BAAT: variants seen among roughly 807,000 people sequenced by gnomAD.
The protein encoded by BAAT is bile acid CoA: amino acid N-acyltransferase (glycine N-choloyltransferase).
BAAT carries 13 observed loss-of-function variants against 18.9 expected under a neutral mutation model. The ratio of observed to expected loss-of-function variants is 0.69; its 90% CI spans 0.45 to 1.10. BAAT has a LOEUF of 1.10. Ranked by LOEUF, BAAT falls within the 50% of genes least tolerant of loss-of-function variation. The probability of loss-of-function intolerance (pLI) is 0.00; values close to 1 mark genes in which losing one functional copy is unlikely to be tolerated. For missense variants in BAAT, 489 were observed against 504.0 expected, an observed-to-expected ratio of 0.97 and a Z score of 0.28; for synonymous variants, 170 against 190.7, an observed-to-expected ratio of 0.89 and a Z score of 0.89.
intron 1 of BAAT, among the ~76,000 whole-genome samples, chr9:101,371,741 T>C (rs926309214): frequency 2.0e-5 from 3 of 152,190 alleles, no homozygotes; most frequent in Admixed American, 2.0e-4. Flanking sequence ...TCTAGGAAGA[T>C]AACACAATCT....
At chr9:101,366,929 T>G (rs1180795210) in intron 3 of BAAT, among the ~76,000 whole-genome samples, 1 of 151,462 alleles carries the variant, frequency 6.6e-6, no homozygotes, top group Non-Finnish European at 1.5e-5. Context: ...TTTCCCAATA[T>G]GGCAAAACCC....
intron 1 of BAAT, among the ~76,000 whole-genome samples, chr9:101,376,985 T>C (rs1445880121): frequency 1.3e-5 from 2 of 152,204 alleles, no homozygotes; most frequent in African/African-American, 2.4e-5. Flanking sequence ...GATTTATTTA[T>C]ATTCCTTTGG....
Position 101,367,728 on chromosome 9 carries a change from C to T in BAAT, c.669+392G>A, listed in dbSNP as rs1407605043. On this transcript the variant is annotated intron_variant, in intron 3 of 3. Transcript: ENST00000259407. The stretch of plus-strand genomic sequence containing the variant: ...CTTGAACTGTCGGCCTCTATTAATC[C>T]TCCCATCTTGGCCTCCCAGAGTGCT... Among the ~76,000 whole-genome samples, 13 of 152,246 alleles carry T rather than the reference C, an allele frequency of 8.5e-5. No homozygotes were observed. The East Asian group carries it at 2.3e-3, about 27-fold the overall frequency.
intron 1 of BAAT, among the ~76,000 whole-genome samples, chr9:101,377,457 A>G (rs1023639246): frequency 6.6e-6 from 1 of 152,126 alleles, no homozygotes; most frequent in South Asian, 2.1e-4. Flanking sequence ...TTCACAAGAG[A>G]GGGTAAAATG....
chr9:101,371,144 T>A lies in BAAT; in HGVS notation c.261A>T (p.Leu87=), dbSNP rs770597659. 6.8e-6 allele frequency: 11 copies of A among 1,614,208 alleles called. No homozygotes were observed. The highest frequency in any genetic ancestry group is 8.5e-6 in the Non-Finnish European group (10 of 1,180,032). ...CATCTCTTTTCAACAGTCTTGTTAA[T>A]AGCTTTTCAGGTTTCAGAGACCAGA... ...GLFWSLKPEK[L]LTRLLKRDVM... The change falls in exon 2 of 4, where the codon CTA becomes CTT. Residue 87 remains leucine (L), a synonymous_variant. Transcript: ENST00000259407.
chr9:101,365,521 T>C (rs1441546444), intron 3 of BAAT, among the ~76,000 whole-genome samples: 1 of 152,004 alleles, frequency 6.6e-6, no homozygotes, highest in East Asian at 1.9e-4. Flanking sequence ...ATTTTAATTT[T>C]AATTTATTAT....
chr9:101,371,390 T>G lies in BAAT; in HGVS notation c.15A>C (p.Thr5=), dbSNP rs140834712. MIQL[T]ATPVSALVDE... is the part of the protein sequence containing the mutation. ...CAACAAGTGCACTCACAGGGGTAGC[T>G]GTCAACTGGATCATTTTTTTAGTGT... The change falls in exon 2 of 4, where the codon ACA becomes ACC. Residue 5 remains threonine (T), a synonymous_variant. Coordinates refer to ENST00000259407, the MANE Select transcript of BAAT (RefSeq NM_001701.4). 2 of 1,610,598 alleles carry G rather than the reference T, an allele frequency of 1.2e-6. No homozygotes were observed. The highest frequency in any genetic ancestry group is 1.7e-6 in the Non-Finnish European group (2 of 1,179,998).
At chr9:101,380,550 A>AAC (rs1371923138) in intron 1 of BAAT, among the ~76,000 whole-genome samples, 1 of 152,164 alleles carries the variant, frequency 6.6e-6, no homozygotes, top group African/African-American at 2.4e-5. Flanking sequence ...AAGGGCAAGC[A>AAC]ACACAAGAGA....
At chr9:101,366,689 G>C (rs770124221) in intron 3 of BAAT, among the ~76,000 whole-genome samples, 1 of 152,112 alleles carries the variant, frequency 6.6e-6, no homozygotes, top group East Asian at 1.9e-4. Context: ...CTGACATTTC[G>C]AGGGCAGTTC....
chr9:101,368,017 A>C, intron 3 of BAAT, 103 bp downstream of exon 3: 1 of 1,236,976 alleles, frequency 8.1e-7, no homozygotes, highest in Non-Finnish European at 1.2e-6. Context: ...ATGCCACTGC[A>C]CTCCAGCCTG....
At position 101,368,243 on chromosome 9, in the gene BAAT, G is replaced by A. The variant is rs750377239; in HGVS notation, c.546C>T (p.Ala182=). The A allele has an allele frequency of 1.2e-6, 2 of 1,613,822 alleles. No homozygotes were observed. The highest frequency in any genetic ancestry group is 1.7e-6 in the Non-Finnish European group (2 of 1,179,944). Residue 182 remains alanine, a synonymous_variant, in exon 3 of 4, where the codon GCC becomes GCT. Coordinates refer to ENST00000259407, the MANE Select transcript of BAAT (RefSeq NM_001701.4). ...AGGCCAAGGAGGCGAAGCCACGACT[G>A]GCTAGGAGGCTGGCCCGAAATTCAA... ...GLLEFRASLL[A]SRGFASLALA...
chr9:101,371,113 T>A lies in BAAT; in HGVS notation c.292A>T (p.Asn98Tyr), dbSNP rs1369267162. 4 of 1,614,136 alleles carry A rather than the reference T, an allele frequency of 2.5e-6. No individual in the cohort carries two copies. Among genetic ancestry groups the A allele is most frequent in the South Asian group, 1.1e-5 (1 of 91,084 alleles). ...TTTACTTGGACCTGGAAAGGCCTAT[T>A]CATCACATCTCTTTTCAACAGTCTT... is the stretch of plus-strand genomic sequence containing the variant. The part of the protein sequence containing the change: ...LTRLLKRDVM[N>Y]RPFQVQVKLY... The change falls in exon 2 of 4, where the codon AAT becomes TAT. Residue 98 changes from asparagine (N) to tyrosine (Y), a missense_variant. Asn to Tyr is a moderately radical substitution (Grantham distance 143, BLOSUM62 -2). Coordinates refer to ENST00000259407, the MANE Select transcript of BAAT (RefSeq NM_001701.4).
chr9:101,377,562 A>G (rs1477414837), intron 1 of BAAT, among the ~76,000 whole-genome samples: 4 of 152,206 alleles, frequency 2.6e-5, no homozygotes, highest in Non-Finnish European at 5.9e-5. Flanking sequence ...ACACCCCTTC[A>G]TGCTAAAAAC....
At chr9:101,381,682 T>C (rs1369705593) in intron 1 of BAAT, among the ~76,000 whole-genome samples, 3 of 152,242 alleles carry the variant, frequency 2.0e-5, no homozygotes, top group Non-Finnish European at 2.9e-5. Context: ...TTGTGTTGCA[T>C]ATATGTGTAT....
intron 1 of BAAT, among the ~76,000 whole-genome samples, chr9:101,377,271 A>C (rs1180341569): frequency 6.6e-6 from 1 of 152,208 alleles, no homozygotes; most frequent in Admixed American, 6.5e-5. Context: ...GCCCCAAATC[A>C]GTTTTCTATA....
chr9:101,379,042 T>C (rs1830090891), intron 1 of BAAT, among the ~76,000 whole-genome samples: 1 of 152,200 alleles, frequency 6.6e-6, no homozygotes, highest in Admixed American at 6.5e-5. Flanking sequence ...TAATATCTCA[T>C]GCCAGTTAGA....
chr9:101,381,261 C>G (rs1036932313), intron 1 of BAAT, among the ~76,000 whole-genome samples: 3 of 151,858 alleles, frequency 2.0e-5, no homozygotes, highest in Admixed American at 6.6e-5. Flanking sequence ...GTGACTCATG[C>G]CTGTAATCCT....
chr9:101,376,793 G>T (rs942346924), intron 1 of BAAT, among the ~76,000 whole-genome samples: 2 of 152,140 alleles, frequency 1.3e-5, no homozygotes, highest in African/African-American at 4.8e-5. Context: ...CAAAATGAAT[G>T]GAAGAAATGA....
intron 1 of BAAT, among the ~76,000 whole-genome samples, chr9:101,384,298 G>A (rs1351939921): frequency 2.0e-5 from 3 of 152,094 alleles, no homozygotes; most frequent in Non-Finnish European, 4.4e-5. Flanking sequence ...AAAATCTCAG[G>A]TGAATATGAG....
Sources: gnomAD v4.1 joint callset for allele counts (sites outside exome capture counted in the v4.1 genomes callset) on GRCh38, gnomAD v4.1.1 for gene constraint, MANE v1.5 for transcripts, NCBI Gene and HGNC (gene_info 2026-07-23, HGNC 2026-07-21) for gene names.